Variants in SUMF1 observed in about 807,000 individuals in gnomAD.
SUMF1 encodes sulfatase modifying factor 1.
SUMF1 carries 48 observed loss-of-function variants against 47.6 expected under a neutral mutation model. That is an observed-to-expected ratio of 1.01 (90% confidence interval 0.80 to 1.28). The LOEUF (loss-of-function observed/expected upper bound fraction) is 1.28, where lower values mean the gene tolerates loss of function less well. SUMF1 is among the 50% of genes most tolerant of loss of function. SUMF1 has a pLI of 0.00. For missense variants in SUMF1, 571 were observed against 485.4 expected (o/e 1.18, Z -1.66); for synonymous variants, 230 against 192.1 (o/e 1.20, Z -1.63).
intron 8 of SUMF1, among the ~76,000 whole-genome samples, chr3:4,198,765 G>T (rs1244777018): frequency 6.6e-6 from 1 of 151,934 alleles, no homozygotes; most frequent in Non-Finnish European, 1.5e-5. Context: ...CCCTTCGCTG[G>T]CAACTGTCTC....
rs1213784165 is a variant in SUMF1 at position 4,039,208 on chromosome 3, A to ATTTTTTTTTTTTTTT, written c.1191+29360_1191+29361insAAAAAAAAAAAAAAA. Among the ~76,000 whole-genome samples, 14 of 46,152 alleles carry ATTTTTTTTTTTTTTT rather than the reference A, an allele frequency of 3.0e-4. 1 individual carries two copies. In the Admixed American group the frequency reaches 3.3e-3, roughly 11 times the overall value. The allele number at this position is 46,152 out of a possible 152,430, so 30.3% of individuals were successfully genotyped here. A position where few individuals can be genotyped will look rare whatever the true frequency, so the allele number is the denominator to read the frequency against. ...CAAGCATGCCTGAAACATCTATGCAAATTTTTTTTTTTTTTTTTTTTTTTT... is the reference window on the plus strand; with the variant it reads ...CAAGCATGCCTGAAACATCTATGCAATTTTTTTTTTTTTTTATTTTTTTTTTTTTTTTTTTTTTTT... On this transcript the variant is annotated intron_variant and NMD_transcript_variant, in intron 9 of 12. Transcript: ENST00000448413.
chr3:4,303,802 C>T (rs572189732), intron 8 of SUMF1: 197 of 1,404,006 alleles, frequency 1.4e-4, no homozygotes, highest in Middle Eastern at 3.8e-4. Flanking sequence ...CCAGTCCTGT[C>T]CTCAGAACTC....
intron 8 of SUMF1, among the ~76,000 whole-genome samples, chr3:4,286,856 T>G (rs536728339): frequency 7.4e-4 from 112 of 152,248 alleles, no homozygotes; most frequent in African/African-American, 2.5e-3. Context: ...TACACAGAAC[T>G]TGCAGAACAA....
chr3:4,167,836 A>G (rs1415428475), intron 8 of SUMF1, among the ~76,000 whole-genome samples: 4 of 152,188 alleles, frequency 2.6e-5, no homozygotes, highest in Non-Finnish European at 5.9e-5. Flanking sequence ...CTTTTTAGAT[A>G]CAGGAGGAAG....
At chr3:4,173,913 G>A (rs1326862610) in intron 8 of SUMF1, among the ~76,000 whole-genome samples, 1 of 152,096 alleles carries the variant, frequency 6.6e-6, no homozygotes, top group African/African-American at 2.4e-5. Flanking sequence ...AACATTAGGA[G>A]AAATACCTAA....
chr3:4,418,036 G>T lies in SUMF1; in HGVS notation c.699C>A (p.Tyr233Ter). The change falls in exon 5 of 9, where the codon TAC becomes TAA. Residue 233 changes from tyrosine (Y) to a stop codon, truncating the protein, a stop_gained. Coordinates refer to ENST00000272902, the MANE Select transcript of SUMF1 (RefSeq NM_182760.4). LOFTEE classifies it high-confidence loss of function. Reference protein sequence around the residue: ...KRLPTEAEWEYSCRGGLHNRL... With the variant: ...KRLPTEAEWE ...TATTATGCAGGCCTCCTCGACAGCT[G>T]TATTCCCACTCAGCTTCCGTGGGCA... The T allele has an allele frequency of 6.2e-7, 1 of 1,614,054 alleles. No individual in the cohort carries two copies. Among genetic ancestry groups the T allele is most frequent in the Non-Finnish European group, 8.5e-7 (1 of 1,180,040 alleles).
chr3:4,380,860 T>G (rs1007658902), intron 7 of SUMF1, among the ~76,000 whole-genome samples: 1 of 152,172 alleles, frequency 6.6e-6, no homozygotes, highest in African/African-American at 2.4e-5. Context: ...CACTCAGCAT[T>G]AGTGCAGAGA....
intron 1 of SUMF1, among the ~76,000 whole-genome samples, chr3:4,460,772 C>G (rs934725446): frequency 1.3e-5 from 2 of 151,946 alleles, no homozygotes; most frequent in Non-Finnish European, 2.9e-5. Context: ...ACTCTCCCAC[C>G]TCAGCCTCTA....
chr3:4,232,066 G>A (rs568479177), intron 8 of SUMF1, among the ~76,000 whole-genome samples: 33 of 152,252 alleles, frequency 2.2e-4, no homozygotes, highest in South Asian at 2.1e-3. Flanking sequence ...GTGCTTCATT[G>A]ATAAATGTAA....
chr3:4,283,711 A>G (rs1348998263), intron 8 of SUMF1, among the ~76,000 whole-genome samples: 3 of 152,180 alleles, frequency 2.0e-5, no homozygotes, highest in African/African-American at 7.2e-5. Context: ...AAAGGGATTG[A>G]CTTAGTCCAT....
chr3:4,077,315 C>G (rs1018805819), intron 8 of SUMF1, among the ~76,000 whole-genome samples: 1 of 152,004 alleles, frequency 6.6e-6, no homozygotes, highest in African/African-American at 2.4e-5. Context: ...GGTATATACC[C>G]AAAGGATTAT....
chr3:4,300,129 C>G (rs1697933618), intron 8 of SUMF1, among the ~76,000 whole-genome samples: 1 of 152,152 alleles, frequency 6.6e-6, no homozygotes, highest in Non-Finnish European at 1.5e-5. Context: ...AGCACCATCC[C>G]CTCGGTGCTG....
At chr3:4,048,872 C>G (rs1373687697) in intron 9 of SUMF1, among the ~76,000 whole-genome samples, 1 of 152,158 alleles carries the variant, frequency 6.6e-6, no homozygotes, top group East Asian at 1.9e-4. Context: ...TCATGATGTT[C>G]TGCACTTCAT....
intron 8 of SUMF1, among the ~76,000 whole-genome samples, chr3:4,223,398 C>G (rs1469337074): frequency 6.6e-6 from 1 of 152,124 alleles, no homozygotes; most frequent in Non-Finnish European, 1.5e-5. Flanking sequence ...ACATAGCTCA[C>G]AGAGTTACCT....
chr3:4,211,840 C>G (rs1695803030), intron 8 of SUMF1, among the ~76,000 whole-genome samples: 1 of 152,122 alleles, frequency 6.6e-6, no homozygotes, highest in South Asian at 2.1e-4. Flanking sequence ...TGGGAGGAGC[C>G]CACTGCAGTT....
intron 8 of SUMF1, among the ~76,000 whole-genome samples, chr3:4,124,409 T>A (rs1190967601): frequency 6.6e-6 from 1 of 152,138 alleles, no homozygotes; most frequent in East Asian, 1.9e-4. Flanking sequence ...AAATACAGAC[T>A]GCAGATCTTA....
intron 8 of SUMF1, among the ~76,000 whole-genome samples, chr3:4,151,898 T>C (rs781359350): frequency 6.6e-6 from 1 of 151,384 alleles, no homozygotes; most frequent in Non-Finnish European, 1.5e-5. Flanking sequence ...GTAAGCATGG[T>C]AAATAGCCAT....
chr3:4,165,755 G>A (rs1400790050), intron 8 of SUMF1, among the ~76,000 whole-genome samples: 1 of 151,816 alleles, frequency 6.6e-6, no homozygotes, highest in African/African-American at 2.4e-5. Flanking sequence ...AAGTTTGTGG[G>A]TCAAATTGGC....
Position 4,362,403 on chromosome 3 carries a change from A to G in SUMF1, c.1015-149T>C, listed in dbSNP as rs2819560. The G allele has an allele frequency of 0.6, 417,086 of 694,362 alleles. 128,543 individuals are homozygous for G. Among genetic ancestry groups the G allele is most frequent in the East Asian group, 0.77 (28,221 of 36,726 alleles). 43.0% of individuals were successfully genotyped at this position (694,362 alleles called of 1,614,324 possible). On this transcript the variant is annotated intron_variant, in intron 8 of 8. Transcript: ENST00000272902. ...TTAACATGTATGCTTTAAAAAGGGC[A>G]GCACATTCAAGAACTAACCACATAT...
Sources: allele counts gnomAD v4.1 joint callset (sites outside exome capture counted in the v4.1 genomes callset), GRCh38; gene constraint gnomAD v4.1.1; transcripts MANE v1.5; gene names NCBI Gene and HGNC (gene_info 2026-07-23, HGNC 2026-07-21).